PEBP4: variants seen among roughly 807,000 people sequenced by gnomAD.
PEBP4 encodes phosphatidylethanolamine-binding protein 4.
Under a neutral mutation model 23.9 loss-of-function variants are expected in PEBP4, and 22 were observed. The observed-to-expected ratio is 0.92, with a 90% CI of 0.66 to 1.31. The LOEUF is 1.31. PEBP4 is among the 40% of genes most tolerant of loss of function. PEBP4 has a pLI of 0.00. For synonymous variants in PEBP4, 112 were observed against 99.3 expected (o/e 1.13, Z -0.76); for missense variants, 324 against 281.7 (o/e 1.15, Z -1.07).
intron 3 of PEBP4, among the ~76,000 whole-genome samples, chr8:22,918,393 C>A (rs1329706482): frequency 6.6e-6 from 1 of 152,174 alleles, no homozygotes; most frequent in Non-Finnish European, 1.5e-5. Flanking sequence ...ACCCCACCCC[C>A]GGGCTGAGGC....
chr8:22,782,520 T>A (rs1425270232), intron 4 of PEBP4, among the ~76,000 whole-genome samples: 2 of 152,106 alleles, frequency 1.3e-5, no homozygotes, highest in Non-Finnish European at 2.9e-5. Context: ...ATGGACCACA[T>A]ACAGAGAGAA....
chr8:22,824,094 C>T (rs112439778), intron 3 of PEBP4, among the ~76,000 whole-genome samples: 5,146 of 152,198 alleles, frequency 0.034, 239 homozygotes, highest in African/African-American at 0.097. Flanking sequence ...TACACATGTA[C>T]ATGACTCTAT....
intron 4 of PEBP4, among the ~76,000 whole-genome samples, chr8:22,805,285 T>G (rs1357708503): frequency 1.3e-5 from 2 of 152,082 alleles, no homozygotes; most frequent in African/African-American, 4.8e-5. Flanking sequence ...GGACTTTGGG[T>G]GATAAAGATG....
chr8:22,734,644 A>G (rs1300628569), intron 4 of PEBP4, among the ~76,000 whole-genome samples: 1 of 152,164 alleles, frequency 6.6e-6, no homozygotes, highest in Admixed American at 6.5e-5. Context: ...TTGGCTTCAA[A>G]TCTGGAATTG....
At chr8:22,837,579 G>A (rs1018386370) in intron 3 of PEBP4, among the ~76,000 whole-genome samples, 2 of 152,158 alleles carry the variant, frequency 1.3e-5, no homozygotes, top group African/African-American at 2.4e-5. Flanking sequence ...CTGCCCAGGG[G>A]ACTCCATCAT....
chr8:22,734,923 A>G (rs1415435208), intron 4 of PEBP4, among the ~76,000 whole-genome samples: 6 of 152,220 alleles, frequency 3.9e-5, no homozygotes, highest in Admixed American at 3.3e-4. Context: ...ACACTGGGTT[A>G]AGAGACGAGA....
intron 3 of PEBP4, among the ~76,000 whole-genome samples, chr8:22,863,119 C>A (rs117424379): frequency 6.6e-6 from 1 of 152,058 alleles, no homozygotes; most frequent in African/African-American, 2.4e-5. Flanking sequence ...GGATTTAATA[C>A]TGGAAAGTTG....
chr8:22,728,857 C>A (rs1231839165), intron 4 of PEBP4, among the ~76,000 whole-genome samples: 2 of 152,178 alleles, frequency 1.3e-5, no homozygotes, highest in Admixed American at 1.3e-4. Flanking sequence ...CTCAGGCTCC[C>A]AAAGTGCTGG....
chr8:22,899,172 C>T (rs1808659330), intron 3 of PEBP4, among the ~76,000 whole-genome samples: 1 of 152,202 alleles, frequency 6.6e-6, no homozygotes, highest in Admixed American at 6.5e-5. Context: ...GATGATGATA[C>T]ATAAAGAATA....
intron 4 of PEBP4, among the ~76,000 whole-genome samples, chr8:22,767,980 C>T (rs1040931474): frequency 1.8e-4 from 28 of 152,246 alleles, no homozygotes; most frequent in African/African-American, 6.3e-4. Flanking sequence ...GGTGATCCGC[C>T]CACCCCGGCC....
At chr8:22,885,948 T>A (rs796818299) in intron 3 of PEBP4, 4 of 152,292 alleles carry the variant, frequency 2.6e-5, no homozygotes, top group African/African-American at 9.6e-5. Flanking sequence ...GACTTATGCA[T>A]CCTTTTGCAG....
At chr8:22,820,113 G>A (rs1246072965) in intron 3 of PEBP4, among the ~76,000 whole-genome samples, 1 of 152,162 alleles carries the variant, frequency 6.6e-6, no homozygotes, top group Non-Finnish European at 1.5e-5. Context: ...ATAATTGGAA[G>A]GTGAGATAGT....
chr8:22,834,406 C>G (rs542183860), intron 3 of PEBP4, among the ~76,000 whole-genome samples: 1 of 151,868 alleles, frequency 6.6e-6, no homozygotes, highest in South Asian at 2.1e-4. Context: ...TGTCCAGCAG[C>G]CAGGCTGGTG....
intron 3 of PEBP4, among the ~76,000 whole-genome samples, chr8:22,829,895 T>A (rs1807045252): frequency 1.3e-5 from 2 of 152,190 alleles, no homozygotes; most frequent in South Asian, 4.1e-4. Context: ...TCTGCCCCCA[T>A]CGCTTCTGCT....
intron 3 of PEBP4, among the ~76,000 whole-genome samples, chr8:22,894,173 A>T (rs1808550409): frequency 1.3e-5 from 2 of 149,320 alleles, no homozygotes; most frequent in African/African-American, 4.8e-5. Context: ...GAATTGCACG[A>T]TAGATTATTA....
At chr8:22,739,747 G>A (rs1272093634) in intron 4 of PEBP4, among the ~76,000 whole-genome samples, 1 of 152,082 alleles carries the variant, frequency 6.6e-6, no homozygotes, top group Non-Finnish European at 1.5e-5. Context: ...CCTCTGTCTG[G>A]GTAAGAATGG....
chr8:22,832,873 C>T (rs1807116053), intron 3 of PEBP4, among the ~76,000 whole-genome samples: 1 of 151,812 alleles, frequency 6.6e-6, no homozygotes, highest in African/African-American at 2.4e-5. Context: ...CAGCCACCCA[C>T]CCACAGCCCC....
intron 4 of PEBP4, among the ~76,000 whole-genome samples, chr8:22,782,696 T>C (rs1329370639): frequency 6.6e-6 from 1 of 152,228 alleles, no homozygotes; most frequent in Non-Finnish European, 1.5e-5. Context: ...TGCATGTATA[T>C]TTCCCTAGGG....
chr8:22,877,130 C>A (rs928958115), intron 3 of PEBP4, among the ~76,000 whole-genome samples: 2 of 152,202 alleles, frequency 1.3e-5, no homozygotes, highest in Non-Finnish European at 2.9e-5. Flanking sequence ...CTTTCCTCCT[C>A]AAACCAGGCT....
Sources: gnomAD v4.1 joint callset for allele counts (sites outside exome capture counted in the v4.1 genomes callset) on GRCh38, gnomAD v4.1.1 for gene constraint, MANE v1.5 for transcripts, NCBI Gene and HGNC (gene_info 2026-07-23, HGNC 2026-07-21) for gene names.